Variants in STX18 observed in about 807,000 individuals in gnomAD.
The protein encoded by STX18 is syntaxin-18.
Under a neutral mutation model 50.1 loss-of-function variants are expected in STX18, and 40 were observed. The observed-to-expected ratio is 0.80, with a 90% CI of 0.62 to 1.04. The LOEUF (loss-of-function observed/expected upper bound fraction) is 1.04, where lower values mean the gene tolerates loss of function less well. Among genes scored for constraint, STX18 ranks in the 50% least tolerant of loss-of-function variants. STX18 has a pLI of 0.00. For missense variants in STX18, 410 were observed against 415.8 expected, an observed-to-expected ratio of 0.99 and a Z score of 0.12; for synonymous variants, 158 against 151.8, an observed-to-expected ratio of 1.04 and a Z score of -0.30.
chr4:4,489,893 A>C (rs1728869161), intron 1 of STX18, among the ~76,000 whole-genome samples: 1 of 152,180 alleles, frequency 6.6e-6, no homozygotes, highest in Non-Finnish European at 1.5e-5. Context: ...CTTTCTTTGG[A>C]CAAAAAATTT....
intron 5 of STX18, among the ~76,000 whole-genome samples, chr4:4,452,704 C>CAA (rs1726823422): frequency 6.6e-6 from 1 of 152,148 alleles, no homozygotes; most frequent in African/African-American, 2.4e-5. Context: ...CAAAACAAAC[C>CAA]AAAAAACCTC....
intron 1 of STX18, among the ~76,000 whole-genome samples, chr4:4,507,998 A>C (rs1367673426): frequency 6.6e-6 from 1 of 152,124 alleles, no homozygotes; most frequent in Non-Finnish European, 1.5e-5. Context: ...ATCCTAACAC[A>C]AAAGTAAAAG....
In STX18 at chr4:4,423,602, C is replaced by T. The variant is rs62289797; in HGVS notation, c.762-15G>A. On this transcript the variant is annotated splice_polypyrimidine_tract_variant and intron_variant, in intron 8 of 10. Transcript: ENST00000306200. ...CTTCGATTTGCCTTCATAAAAAGAA[C>T]AGATTACATATTAACTATTAGCACT... 0.024 allele frequency: 39,136 copies of T among 1,612,340 alleles called. 601 individuals are homozygous for T. Among genetic ancestry groups the T allele is most frequent in the African/African-American group, 0.068 (5,081 of 74,952 alleles).
At chr4:4,435,536 T>G (rs753446913) in intron 6 of STX18, among the ~76,000 whole-genome samples, 7 of 152,216 alleles carry the variant, frequency 4.6e-5, no homozygotes, top group Non-Finnish European at 1.0e-4. Context: ...TGATACATCT[T>G]GGAGATGGTC....
intron 1 of STX18, among the ~76,000 whole-genome samples, chr4:4,538,614 AATAC>A (rs1731447581): frequency 6.6e-6 from 1 of 152,140 alleles, no homozygotes. Context: ...GTTTTTTTAA[AATAC>A]ATACATATAG....
chr4:4,424,767 G>A (rs926386256), intron 8 of STX18, among the ~76,000 whole-genome samples: 3 of 152,244 alleles, frequency 2.0e-5, no homozygotes, highest in Non-Finnish European at 4.4e-5. Context: ...GGAGCAGGCA[G>A]ACCCCAGTGG....
chr4:4,438,975 T>C (rs1328616002), intron 5 of STX18, among the ~76,000 whole-genome samples: 1 of 146,108 alleles, frequency 6.8e-6, no homozygotes, highest in Non-Finnish European at 1.5e-5. Context: ...CCAACACATG[T>C]ATACCCACAC....
At chr4:4,439,172 C>A (rs1725959250) in intron 5 of STX18, among the ~76,000 whole-genome samples, 1 of 114,288 alleles carries the variant, frequency 8.7e-6, no homozygotes, top group African/African-American at 3.4e-5. Context: ...CATATATAAC[C>A]CCCTACATAC....
intron 5 of STX18, among the ~76,000 whole-genome samples, chr4:4,445,440 A>G (rs1726343580): frequency 6.6e-6 from 1 of 152,164 alleles, no homozygotes; most frequent in Non-Finnish European, 1.5e-5. Flanking sequence ...ACAAAAAAAA[A>G]GAAAAGAATT....
rs1399447971 is a variant in STX18 at position 4,471,663 on chromosome 4, C to T, written c.212G>A (p.Arg71Lys). Residue 71 changes from arginine to lysine, a missense_variant, in exon 2 of 11, where the codon AGG becomes AAG. Coordinates refer to ENST00000306200, the MANE Select transcript of STX18 (RefSeq NM_016930.4). ...CCTATAAGCATTAATATAATCTTTCCTGTGTTCCAGAAGAAAATCTCTCAG... is the reference window on the plus strand; with the variant it reads ...CCTATAAGCATTAATATAATCTTTCTTGTGTTCCAGAAGAAAATCTCTCAG... The part of the protein sequence containing the change: ...GKLRDFLLEH[R>K]KDYINAYSHT... 6.3e-7 allele frequency: 1 copy of T among 1,581,444 alleles called. No individual in the cohort carries two copies. Among genetic ancestry groups the T allele is most frequent in the Non-Finnish European group, 8.5e-7 (1 of 1,171,390 alleles).
chr4:4,534,746 T>C (rs1382048113), intron 1 of STX18, among the ~76,000 whole-genome samples: 1 of 152,264 alleles, frequency 6.6e-6, no homozygotes, highest in Non-Finnish European at 1.5e-5. Flanking sequence ...AAACTTTTTC[T>C]CTAAAGGGTC....
At chr4:4,439,498 A>C (rs1261932376) in intron 5 of STX18, among the ~76,000 whole-genome samples, 5 of 144,492 alleles carry the variant, frequency 3.5e-5, no homozygotes, top group African/African-American at 1.3e-4. Context: ...ACACACTCAT[A>C]TATACCCCCA....
At position 4,481,188 on chromosome 4, in the gene STX18, C is replaced by T. The variant is rs1197558740; in HGVS notation, c.169-9482G>A. ...GATGGGATTCTTCTCAAAGAGCGAC[C>T]GCATTCTGACTGTGGGGAGAGTTCA... On this transcript the variant is annotated intron_variant, in intron 1 of 10. Transcript: ENST00000306200. Among the ~76,000 whole-genome samples the T allele has an allele frequency of 2.6e-5, 4 of 152,180 alleles. 1 individual carries two copies. The highest frequency in any genetic ancestry group is 4.1e-4 in the South Asian group (2 of 4,820).
At chr4:4,490,446 G>A (rs540332581) in intron 1 of STX18, among the ~76,000 whole-genome samples, 5 of 152,068 alleles carry the variant, frequency 3.3e-5, no homozygotes, top group South Asian at 2.1e-4. Flanking sequence ...TTCAGATTAC[G>A]GTTTTAAATT....
At chr4:4,459,259 A>G (rs754029801) in intron 3 of STX18, 113 bp downstream of exon 3, 6 of 768,236 alleles carry the variant, frequency 7.8e-6, no homozygotes, top group Non-Finnish European at 1.3e-5. Context: ...TTAACGTTTT[A>G]AAACCTAAAT....
intron 1 of STX18, among the ~76,000 whole-genome samples, chr4:4,480,916 G>GT (rs1256239866): frequency 6.6e-6 from 1 of 152,212 alleles, no homozygotes; most frequent in African/African-American, 2.4e-5. Context: ...AAATGAGATT[G>GT]TTTTTAAGCA....
intron 1 of STX18, among the ~76,000 whole-genome samples, chr4:4,522,829 T>C (rs1004160856): frequency 6.6e-6 from 1 of 152,220 alleles, no homozygotes; most frequent in East Asian, 1.9e-4. Flanking sequence ...CATTGTTGCA[T>C]TGGAACTAGC....
intron 5 of STX18, among the ~76,000 whole-genome samples, chr4:4,443,375 G>A (rs1403207007): frequency 6.6e-6 from 1 of 152,170 alleles, no homozygotes; most frequent in Non-Finnish European, 1.5e-5. Context: ...CAAACAAGAT[G>A]GGGAAAAGCA....
intron 1 of STX18, among the ~76,000 whole-genome samples, chr4:4,525,086 C>T (rs534095256): frequency 7.2e-5 from 11 of 152,130 alleles, no homozygotes; most frequent in South Asian, 2.1e-4. Flanking sequence ...TCCTGTGGTA[C>T]ATTTATGAAA....
Sources: allele counts gnomAD v4.1 joint callset (sites outside exome capture counted in the v4.1 genomes callset), GRCh38; gene constraint gnomAD v4.1.1; transcripts MANE v1.5; gene names NCBI Gene and HGNC (gene_info 2026-07-23, HGNC 2026-07-21).